CAST: variants seen among roughly 807,000 people sequenced by gnomAD.
CAST encodes the protein calpastatin, also known as MIR583 host.
Under a neutral mutation model 119.6 loss-of-function variants are expected in CAST, and 76 were observed. The ratio of observed to expected loss-of-function variants is 0.64; its 90% CI spans 0.53 to 0.77. The LOEUF (loss-of-function observed/expected upper bound fraction) is 0.77. Among genes scored for constraint, CAST ranks in the 30% least tolerant of loss-of-function variants. The probability of loss-of-function intolerance (pLI) is 0.00; values close to 1 mark genes in which losing one functional copy is unlikely to be tolerated. For missense variants in CAST, 953 were observed against 946.5 expected (o/e 1.01, Z -0.09); for synonymous variants, 319 against 331.6 (o/e 0.96, Z 0.41).
chr5:96,668,577 C>T (rs1232424505), intron 1 of CAST, among the ~76,000 whole-genome samples: 1 of 152,188 alleles, frequency 6.6e-6, no homozygotes, highest in African/African-American at 2.4e-5. Flanking sequence ...AGGTGCCTCA[C>T]TAATGTCAAC....
chr5:96,027,045 TA>T, the CAST span, among the ~76,000 whole-genome samples: 1 of 152,000 alleles, frequency 6.6e-6, no homozygotes, highest in African/African-American at 2.4e-5. Context: ...ACCCTGTCTC[TA>T]AAAAAACCAC....
At chr5:96,609,666 T>A (rs1172266128) in intron 1 of CAST, among the ~76,000 whole-genome samples, 1 of 152,352 alleles carries the variant, frequency 6.6e-6, no homozygotes, top group East Asian at 1.9e-4. Context: ...AGTATTTGTA[T>A]GTCTTTGAAG....
the CAST span, among the ~76,000 whole-genome samples, chr5:96,178,515 A>G: frequency 7.4e-4 from 113 of 152,296 alleles, 1 homozygote; most frequent in Middle Eastern, 3.4e-3. Flanking sequence ...CTAATAGAAT[A>G]GAAGAAAAAA....
chr5:96,268,253 G>A, the CAST span, among the ~76,000 whole-genome samples: 2 of 152,114 alleles, frequency 1.3e-5, no homozygotes, highest in Non-Finnish European at 2.9e-5. Flanking sequence ...AACACTGAAT[G>A]TAAAAGGGTT....
At chr5:96,253,825 C>A in the CAST span, among the ~76,000 whole-genome samples, 1 of 151,740 alleles carries the variant, frequency 6.6e-6, no homozygotes, top group African/African-American at 2.4e-5. Flanking sequence ...AATGTAAAAC[C>A]AAGAGATATG....
upstream of CAST, among the ~76,000 whole-genome samples, chr5:96,527,852 C>T (rs1278725203): frequency 6.6e-6 from 1 of 152,090 alleles, no homozygotes; most frequent in Non-Finnish European, 1.5e-5. Flanking sequence ...TGACTAGAAC[C>T]AGAGGCATTT....
At chr5:96,760,198 T>C (rs898108570) in intron 24 of CAST, among the ~76,000 whole-genome samples, 4 of 152,030 alleles carry the variant, frequency 2.6e-5, no homozygotes, top group Non-Finnish European at 5.9e-5. Context: ...TACTTAAATG[T>C]GTAGATGTAA....
At chr5:96,288,259 T>A in the CAST span, among the ~76,000 whole-genome samples, 1 of 152,206 alleles carries the variant, frequency 6.6e-6, no homozygotes, top group Non-Finnish European at 1.5e-5. Flanking sequence ...TGTTTTTTCC[T>A]CCTCACATTT....
At chr5:96,529,841 G>A in exon 1 of CAST, 1 of 434,296 alleles carries the variant, frequency 2.3e-6, no homozygotes, top group South Asian at 1.6e-5. Context: ...CTTCTGCCAT[G>A]ATTGTAAGTT....
At chr5:96,055,740 CT>C in the CAST span, among the ~76,000 whole-genome samples, 1 of 152,002 alleles carries the variant, frequency 6.6e-6, no homozygotes, top group African/African-American at 2.4e-5. Context: ...ATAATATATA[CT>C]TTACTTTTTT....
At chr5:96,369,728 A>G in the CAST span, among the ~76,000 whole-genome samples, 1 of 151,984 alleles carries the variant, frequency 6.6e-6, no homozygotes, top group Non-Finnish European at 1.5e-5. Flanking sequence ...ATTTTACTCA[A>G]TTCTCCTTGT....
the CAST span, among the ~76,000 whole-genome samples, chr5:96,514,792 C>T: frequency 1.3e-5 from 2 of 152,096 alleles, no homozygotes; most frequent in Admixed American, 1.3e-4. Flanking sequence ...ATTGCCCAGG[C>T]CCAGGCTGGA....
intron 1 of CAST, among the ~76,000 whole-genome samples, chr5:96,673,861 T>C (rs1367259930): frequency 6.6e-6 from 1 of 152,228 alleles, no homozygotes; most frequent in African/African-American, 2.4e-5. Context: ...AACCCTTGAC[T>C]AGGATGTATA....
At chr5:96,531,005 C>T (rs916174373) in intron 1 of CAST, among the ~76,000 whole-genome samples, 1 of 152,226 alleles carries the variant, frequency 6.6e-6, no homozygotes, top group East Asian at 1.9e-4. Flanking sequence ...GTTGCCCAGG[C>T]TGGTCTGGAA....
chr5:96,169,655 T>C, the CAST span, among the ~76,000 whole-genome samples: 2 of 151,656 alleles, frequency 1.3e-5, no homozygotes, highest in Non-Finnish European at 2.9e-5. Flanking sequence ...GGGGTAAGGG[T>C]GATTAGGTTT....
At chr5:96,317,476 C>CAAAAAAAAAAAAAAAAAAAAAAA in the CAST span, among the ~76,000 whole-genome samples, 1 of 50,578 alleles carries the variant, frequency 2.0e-5, no homozygotes. Flanking sequence ...GACTCCATCT[C>CAAAAAAAAAAAAAAAAAAAAAAA]AAAAAAAAAA....
the CAST span, among the ~76,000 whole-genome samples, chr5:96,137,509 T>C: frequency 6.6e-6 from 1 of 152,134 alleles, no homozygotes; most frequent in South Asian, 2.1e-4. Context: ...AAATTGTCAA[T>C]TAGGTAGATA....
At chr5:96,737,124 G>A (rs372896985) in intron 10 of CAST, among the ~76,000 whole-genome samples, 1 of 152,178 alleles carries the variant, frequency 6.6e-6, no homozygotes, top group African/African-American at 2.4e-5. Flanking sequence ...TCCTCGACAC[G>A]TGGGGATTAT....
At chr5:96,412,621 T>C in the CAST span, 14 of 806,936 alleles carry the variant, frequency 1.7e-5, no homozygotes, top group African/African-American at 8.6e-5. Flanking sequence ...ACTAGATAGA[T>C]GTCCCCAATT....
Sources: allele counts gnomAD v4.1 joint callset (sites outside exome capture counted in the v4.1 genomes callset), GRCh38; gene constraint gnomAD v4.1.1; transcripts MANE v1.5; gene names NCBI Gene and HGNC (gene_info 2026-07-23, HGNC 2026-07-21).